The following MOK variants were observed in gnomAD, a reference collection of about 807,000 sequenced individuals.
MOK encodes MOK protein kinase.
A neutral mutation model predicts 54.2 loss-of-function variants in MOK; 59 were observed. That is an observed-to-expected ratio of 1.09 (90% CI 0.88 to 1.35). MOK has a LOEUF of 1.35. Among genes scored for constraint, MOK ranks in the 40% most tolerant of loss-of-function variants. The pLI, the probability that MOK is intolerant of heterozygous loss-of-function variation, is 0.00. For synonymous variants in MOK, 210 were observed against 202.7 expected (o/e 1.04, Z -0.31); for missense variants, 517 against 526.2 (o/e 0.98, Z 0.17).
At chr14:102,241,366 G>C (rs746402482) in intron 7 of MOK, among the ~76,000 whole-genome samples, 1 of 152,066 alleles carries the variant, frequency 6.6e-6, no homozygotes. Context: ...CCTCACACAG[G>C]GTCCAGCTTA....
chr14:102,278,677 G>A (rs1214672392), intron 2 of MOK: 11 of 455,374 alleles, frequency 2.4e-5, no homozygotes, highest in African/African-American at 6.0e-5. Context: ...TGATCTCTCC[G>A]AATTTCAATT....
intron 1 of MOK, among the ~76,000 whole-genome samples, chr14:102,299,644 G>A (rs1388783315): frequency 6.6e-6 from 1 of 152,124 alleles, no homozygotes; most frequent in Admixed American, 6.5e-5. Context: ...GGAGAGCAGT[G>A]GTGTGATCCC....
At chr14:102,295,313 A>C (rs549367301) in intron 1 of MOK, among the ~76,000 whole-genome samples, 1 of 152,262 alleles carries the variant, frequency 6.6e-6, no homozygotes, top group African/African-American at 2.4e-5. Flanking sequence ...GATTCTATGC[A>C]CATTTATTAA....
At chr14:102,252,837 C>A (rs1404104103) in intron 4 of MOK, among the ~76,000 whole-genome samples, 1 of 152,140 alleles carries the variant, frequency 6.6e-6, no homozygotes, top group African/African-American at 2.4e-5. Context: ...TAACAAGATT[C>A]CAGACATGTC....
intron 1 of MOK, among the ~76,000 whole-genome samples, chr14:102,297,192 C>A (rs1024969780): frequency 6.6e-6 from 1 of 151,858 alleles, no homozygotes; most frequent in South Asian, 2.1e-4. Flanking sequence ...CCCATCTCTA[C>A]TAAAAGTATA....
chr14:102,223,781 C>T (rs1451782940), downstream of MOK: 2 of 152,054 alleles, frequency 1.3e-5, no homozygotes, highest in African/African-American at 4.8e-5. Flanking sequence ...ACTTGAAGCC[C>T]CCTCACCAGT....
the MOK span, among the ~76,000 whole-genome samples, chr14:102,215,891 C>T: frequency 4.6e-5 from 7 of 152,192 alleles, no homozygotes; most frequent in Admixed American, 4.6e-4. Flanking sequence ...CTGATCTGAG[C>T]AGCGCCCTGG....
the MOK span, among the ~76,000 whole-genome samples, chr14:102,217,321 G>A: frequency 6.6e-6 from 1 of 152,172 alleles, no homozygotes; most frequent in East Asian, 1.9e-4. Context: ...TCTCTCTGAT[G>A]CTTTTCTTCC....
intron 4 of MOK, among the ~76,000 whole-genome samples, chr14:102,258,242 C>T (rs1370903794): frequency 6.6e-5 from 10 of 152,142 alleles, no homozygotes; most frequent in African/African-American, 1.9e-4. Context: ...AAAATTCTTA[C>T]CCTCGCCCTA....
intron 7 of MOK, among the ~76,000 whole-genome samples, chr14:102,242,709 T>C (rs2065812323): frequency 6.6e-6 from 1 of 152,206 alleles, no homozygotes; most frequent in Middle Eastern, 3.2e-3. Context: ...CCATTTTCCC[T>C]GTCCAAAAAC....
chr14:102,288,815 G>A (rs1271919280), intron 1 of MOK, among the ~76,000 whole-genome samples: 2 of 152,210 alleles, frequency 1.3e-5, no homozygotes, highest in Non-Finnish European at 2.9e-5. Context: ...CATGATACCA[G>A]TAACACTCTG....
chr14:102,298,725 C>T (rs1212483669), intron 1 of MOK, among the ~76,000 whole-genome samples: 2 of 152,210 alleles, frequency 1.3e-5, no homozygotes, highest in Non-Finnish European at 2.9e-5. Flanking sequence ...CTCCAGTCCC[C>T]TTCCACAATG....
chr14:102,273,280 CAAAAAA>C lies in MOK; in HGVS notation c.123-7374_123-7369del, dbSNP rs760362999. On this transcript the variant is annotated intron_variant, in intron 2 of 11. Coordinates refer to ENST00000361847, the MANE Select transcript of MOK (RefSeq NM_014226.3). ...AGAAAGCAACCAAAACATACTAGAA[CAAAAAA>C]AAAAAAAAAATAAGTGAATCCTGAG... 1.2e-4 allele frequency among the ~76,000 whole-genome samples: 11 copies of C among 89,634 alleles called. No individual in the cohort carries two copies. In the Admixed American group the frequency reaches 1.4e-3, roughly 11 times the overall value. The allele number at this position is 89,634 out of a possible 152,430, so 58.8% of individuals were successfully genotyped here. A position where few individuals can be genotyped will look rare whatever the true frequency, so the allele number is the denominator to read the frequency against.
rs535226940 is a variant in MOK, at chr14:102,249,065, C to T, written c.590+1747G>A. On this transcript the variant is annotated intron_variant, in intron 7 of 11. Coordinates refer to ENST00000361847, the MANE Select transcript of MOK (RefSeq NM_014226.3). This position sits in a 1 kb window ranked among gnomAD's most constrained non-coding sequence, Gnocchi z 5.3. Reference sequence around the variant, plus strand: ...GGCGTGTGCAGCGACCCTCACCACACGGAACACGAGGAACTCAGCCTGGCG... The same window carrying T: ...GGCGTGTGCAGCGACCCTCACCACATGGAACACGAGGAACTCAGCCTGGCG... Among the ~76,000 whole-genome samples, 3 of 152,046 alleles carry T rather than the reference C, an allele frequency of 2.0e-5. No individual in the cohort carries two copies. Among genetic ancestry groups the T allele is most frequent in the South Asian group, 2.1e-4 (1 of 4,814 alleles).
At chr14:102,251,012 G>A (rs746075934) in intron 6 of MOK, 22 bp from the exon 7 acceptor site, 5 of 1,611,618 alleles carry the variant, frequency 3.1e-6, no homozygotes, top group South Asian at 2.2e-5. Flanking sequence ...AAGAAGCAAG[G>A]ACAAGTAACA....
chr14:102,263,856 T>G (rs1026068888), intron 3 of MOK: 1 of 372,408 alleles, frequency 2.7e-6, no homozygotes, highest in African/African-American at 2.1e-5. Flanking sequence ...AAAACAGATA[T>G]GTCTTGAAAA....
chr14:102,267,572 T>A (rs927295815), intron 2 of MOK, among the ~76,000 whole-genome samples: 13 of 151,984 alleles, frequency 8.6e-5, no homozygotes, highest in African/African-American at 2.9e-4. Flanking sequence ...TCTCAAAAAA[T>A]AAATAAATAA....
the MOK span, among the ~76,000 whole-genome samples, chr14:102,215,834 T>C: frequency 3.9e-5 from 6 of 152,202 alleles, no homozygotes; most frequent in African/African-American, 1.4e-4. Context: ...ATGATTTACA[T>C]TGTCTTACTA....
chr14:102,261,107 A>C (rs2067355538), intron 4 of MOK, among the ~76,000 whole-genome samples: 1 of 151,674 alleles, frequency 6.6e-6, no homozygotes, highest in Admixed American at 6.6e-5. Context: ...AATACAAAAA[A>C]ATAGCTGGGC....
Sources: gnomAD v4.1 joint callset for allele counts (sites outside exome capture counted in the v4.1 genomes callset) on GRCh38, gnomAD v4.1.1 for gene constraint, Gnocchi (gnomAD v3.1) non-coding constraint, MANE v1.5 for transcripts, NCBI Gene and HGNC (gene_info 2026-07-23, HGNC 2026-07-21) for gene names.